Variants in ERI3 observed in about 807,000 individuals in gnomAD.
ERI3 encodes ERI1 exoribonuclease family member 3.
ERI3 carries 18 observed loss-of-function variants against 44.4 expected under a neutral mutation model. That is an observed-to-expected ratio of 0.41 (90% CI 0.28 to 0.60). The LOEUF (loss-of-function observed/expected upper bound fraction) is 0.60, where lower values mean the gene tolerates loss of function less well. Ranked by LOEUF, ERI3 falls within the 20% of genes least tolerant of loss-of-function variation. The probability of loss-of-function intolerance (pLI) is 0.36; values close to 1 mark genes in which losing one functional copy is unlikely to be tolerated. For synonymous variants in ERI3, 183 were observed against 164.8 expected (o/e 1.11, Z -0.84); for missense variants, 294 against 435.5 (o/e 0.68, Z 2.89).
chr1:44,269,014 C>T (rs893966002), intron 7 of ERI3, among the ~76,000 whole-genome samples: 2 of 152,198 alleles, frequency 1.3e-5, no homozygotes, highest in African/African-American at 4.8e-5. Context: ...TGTCCTGATG[C>T]CAAGCAATGC....
At chr1:44,348,049 T>C (rs1646819015) in intron 2 of ERI3, among the ~76,000 whole-genome samples, 1 of 152,180 alleles carries the variant, frequency 6.6e-6, no homozygotes. Flanking sequence ...CAAGAGTAAA[T>C]GTTTGCTAAA....
chr1:44,232,388 G>A (rs1461455387), intron 8 of ERI3, among the ~76,000 whole-genome samples: 2 of 152,188 alleles, frequency 1.3e-5, no homozygotes, highest in East Asian at 3.8e-4. Context: ...TAGGAAAAAG[G>A]CTAAAAGAAT....
intron 6 of ERI3, among the ~76,000 whole-genome samples, chr1:44,292,965 G>A (rs1645539102): frequency 6.6e-6 from 1 of 152,232 alleles, no homozygotes; most frequent in Admixed American, 6.5e-5. Flanking sequence ...CAGTGTGCGT[G>A]AAGCAGGAGC....
intron 6 of ERI3, 93 bp downstream of exon 6, chr1:44,308,217 C>T: frequency 2.3e-6 from 2 of 881,250 alleles, no homozygotes; most frequent in Non-Finnish European, 3.8e-6. Flanking sequence ...ATCCCTGATC[C>T]AGCTGCCTTG....
intron 7 of ERI3, among the ~76,000 whole-genome samples, chr1:44,280,615 C>T (rs548143244): frequency 5.3e-5 from 8 of 152,212 alleles, no homozygotes; most frequent in Non-Finnish European, 1.0e-4. Flanking sequence ...GTCACCCACA[C>T]AATGATCTGT....
chr1:44,334,171 C>T (rs1646486976), intron 3 of ERI3, among the ~76,000 whole-genome samples: 1 of 152,218 alleles, frequency 6.6e-6, no homozygotes, highest in South Asian at 2.1e-4. Context: ...CTGTGCTGCA[C>T]CCTCCCTCCC....
At chr1:44,234,648 G>A (rs993260490) in intron 8 of ERI3, among the ~76,000 whole-genome samples, 5 of 152,050 alleles carry the variant, frequency 3.3e-5, no homozygotes, top group African/African-American at 1.2e-4. Context: ...AACAGAATGA[G>A]ACTCTGTCTC....
chr1:44,259,745 G>C (rs1422851552), intron 7 of ERI3, among the ~76,000 whole-genome samples: 4 of 134,952 alleles, frequency 3.0e-5, no homozygotes, highest in Admixed American at 7.6e-5. Flanking sequence ...GCATGGTGAC[G>C]TGCACCTGTG....
chr1:44,277,646 ACTC>A (rs1203123632), intron 7 of ERI3, among the ~76,000 whole-genome samples: 1 of 151,680 alleles, frequency 6.6e-6, no homozygotes, highest in African/African-American at 2.4e-5. Flanking sequence ...TGAACTGACC[ACTC>A]CTCTTCTTCT....
intron 4 of ERI3, among the ~76,000 whole-genome samples, chr1:44,314,769 C>T (rs540236606): frequency 7.9e-5 from 12 of 152,308 alleles, no homozygotes; most frequent in East Asian, 3.9e-4. Context: ...AAGCCTACTA[C>T]GGGCTGGGCC....
chr1:44,249,388 G>T (rs1049037703), intron 7 of ERI3, among the ~76,000 whole-genome samples: 4 of 152,104 alleles, frequency 2.6e-5, no homozygotes, highest in Admixed American at 1.3e-4. Flanking sequence ...AGGGGAGAGG[G>T]CCCAGCACAG....
chr1:44,256,074 G>C (rs916558259), intron 7 of ERI3, among the ~76,000 whole-genome samples: 1 of 152,114 alleles, frequency 6.6e-6, no homozygotes, highest in Non-Finnish European at 1.5e-5. Flanking sequence ...GAGGGGGTTG[G>C]GGGGTTGTAT....
At position 44,241,819 on chromosome 1, in the gene ERI3, C is replaced by T. The variant is rs1644443326; in HGVS notation, c.931+6120G>A. 4.8e-6 allele frequency: 1 copy of T among 207,546 alleles called. No individual in the cohort carries two copies. Among genetic ancestry groups the T allele is most frequent in the Non-Finnish European group, 8.4e-6 (1 of 118,936 alleles). 12.9% of individuals were successfully genotyped at this position (207,546 alleles called of 1,614,324 possible). A position where few individuals can be genotyped will look rare whatever the true frequency, so the allele number is the denominator to read the frequency against. On this transcript the variant is annotated intron_variant, in intron 8 of 8. Transcript: ENST00000372257. The surrounding 1 kb of genome is among the most constrained non-coding windows in gnomAD (Gnocchi z 5.6). ...AACACACATAACACATACATACATA[C>T]ATACATACATACATACATACATACA... is the stretch of plus-strand genomic sequence containing the variant.
At chr1:44,236,611 A>C (rs891285825) in intron 8 of ERI3, among the ~76,000 whole-genome samples, 4 of 152,076 alleles carry the variant, frequency 2.6e-5, no homozygotes, top group African/African-American at 9.7e-5. Context: ...GAAGGCAATA[A>C]GGTAAAAGAA....
At chr1:44,264,234 A>T (rs1244377084) in intron 7 of ERI3, among the ~76,000 whole-genome samples, 1 of 152,204 alleles carries the variant, frequency 6.6e-6, no homozygotes, top group Non-Finnish European at 1.5e-5. Context: ...ATTGAGAGAG[A>T]GGGGGAGATA....
chr1:44,262,937 C>G (rs965747979), intron 7 of ERI3, among the ~76,000 whole-genome samples: 4 of 152,188 alleles, frequency 2.6e-5, no homozygotes, highest in Non-Finnish European at 4.4e-5. Context: ...CGTTCACTCC[C>G]AGGAACCCCA....
chr1:44,275,518 C>A (rs553190031), intron 7 of ERI3, among the ~76,000 whole-genome samples: 1 of 152,206 alleles, frequency 6.6e-6, no homozygotes, highest in Non-Finnish European at 1.5e-5. Flanking sequence ...CACACTCAAT[C>A]GTAGACATCA....
intron 6 of ERI3, among the ~76,000 whole-genome samples, chr1:44,302,483 T>C (rs1645747491): frequency 6.6e-6 from 1 of 152,226 alleles, no homozygotes; most frequent in Admixed American, 6.5e-5. Flanking sequence ...ATGCCCCATG[T>C]GCTTCCAAAC....
intron 2 of ERI3, among the ~76,000 whole-genome samples, chr1:44,350,600 C>G (rs1646868792): frequency 6.6e-6 from 1 of 151,938 alleles, no homozygotes; most frequent in Non-Finnish European, 1.5e-5. Context: ...CTTTCTACAT[C>G]TTTTCCAGTC....
Sources: gnomAD v4.1 joint callset for allele counts (sites outside exome capture counted in the v4.1 genomes callset) on GRCh38, gnomAD v4.1.1 for gene constraint, Gnocchi (gnomAD v3.1) non-coding constraint, MANE v1.5 for transcripts, NCBI Gene and HGNC (gene_info 2026-07-23, HGNC 2026-07-21) for gene names.